Variants in UNC79 observed in about 807,000 individuals in gnomAD.
UNC79 encodes protein unc-79 homolog.
A neutral mutation model predicts 283.1 loss-of-function variants in UNC79; 37 were observed. That is an observed-to-expected ratio of 0.13 (90% CI 0.10 to 0.17). The LOEUF (loss-of-function observed/expected upper bound fraction) is 0.17, where lower values mean the gene tolerates loss of function less well. UNC79 is among the 10% of genes least tolerant of loss of function. The pLI is 1.00. For missense variants in UNC79, 2,272 were observed against 3,211.1 expected (o/e 0.71, Z 7.07); for synonymous variants, 1,107 against 1,200.2 (o/e 0.92, Z 1.61).
chr14:93,482,111 A>G (rs910731312), intron 4 of UNC79, among the ~76,000 whole-genome samples: 1 of 152,226 alleles, frequency 6.6e-6, no homozygotes, highest in African/African-American at 2.4e-5. Context: ...GGCCAAATGC[A>G]TAGTCAAATC....
At position 93,361,042 on chromosome 14, in the gene UNC79, C is replaced by A. The variant is rs147465459; in HGVS notation, c.-351+27519C>A. ...CAGCTTGGTCAACATGGTGAAACCCCGTCTCTACTAAAAATACAAAAATTA... is the reference window on the plus strand; with the variant it reads ...CAGCTTGGTCAACATGGTGAAACCCAGTCTCTACTAAAAATACAAAAATTA... On this transcript the variant is annotated intron_variant, in intron 1 of 49. Coordinates refer to the UNC79 transcript ENST00000256339. Among the ~76,000 whole-genome samples the A allele has an allele frequency of 5.2e-3, 795 of 151,584 alleles. 11 individuals carry two copies. The highest frequency in any genetic ancestry group is 0.051 in the Middle Eastern group (15 of 294).
At chr14:93,477,486 T>C in intron 3 of UNC79, 72 bp from the exon 4 acceptor site, 1 of 1,307,252 alleles carries the variant, frequency 7.6e-7, no homozygotes, top group Non-Finnish European at 1.0e-6. Context: ...CATTAAAGCT[T>C]AAAATGTAAA....
chr14:93,686,106 T>C (rs1012675187), intron 42 of UNC79, among the ~76,000 whole-genome samples: 2 of 152,228 alleles, frequency 1.3e-5, no homozygotes, highest in Non-Finnish European at 2.9e-5. Flanking sequence ...ATGTACTTTT[T>C]TGACAGAAAA....
intron 1 of UNC79, among the ~76,000 whole-genome samples, chr14:93,415,931 C>CT (rs1472893313): frequency 6.6e-6 from 1 of 152,136 alleles, no homozygotes; most frequent in East Asian, 1.9e-4. Flanking sequence ...ATTAGTCTTG[C>CT]TAGCAGTCTA....
chr14:93,641,975 CTT>C (rs2069079781), intron 33 of UNC79, among the ~76,000 whole-genome samples: 1 of 152,178 alleles, frequency 6.6e-6, no homozygotes, highest in East Asian at 1.9e-4. Context: ...TAAGATGTGA[CTT>C]TGCTCCCCCT....
intron 1 of UNC79, among the ~76,000 whole-genome samples, chr14:93,408,245 A>G (rs1308231599): frequency 6.6e-6 from 1 of 152,246 alleles, no homozygotes; most frequent in Non-Finnish European, 1.5e-5. Flanking sequence ...CACGAGTAAT[A>G]TAAGTAGAGA....
chr14:93,577,621 G>T (rs1221426512), intron 17 of UNC79, among the ~76,000 whole-genome samples: 1 of 152,192 alleles, frequency 6.6e-6, no homozygotes, highest in Non-Finnish European at 1.5e-5. Context: ...ATTCTTCAGG[G>T]TGTTGATGTC....
intron 16 of UNC79, among the ~76,000 whole-genome samples, chr14:93,574,510 A>C (rs186102730): frequency 1.1e-3 from 169 of 152,340 alleles, no homozygotes; most frequent in African/African-American, 3.4e-3. Context: ...AGATAATTAA[A>C]CAGAAGAAAA....
chr14:93,609,511 CATAATT>C (rs1244968429), intron 26 of UNC79, among the ~76,000 whole-genome samples: 3 of 152,196 alleles, frequency 2.0e-5, no homozygotes, highest in East Asian at 3.9e-4. Flanking sequence ...GCTCTGCCTC[CATAATT>C]ATAATTATAA....
rs1027524828 is a variant in UNC79 at position 93,663,352 on chromosome 14, A to C, written c.6636+638A>C. Among the ~76,000 whole-genome samples the C allele has an allele frequency of 1.3e-5, 2 of 152,194 alleles. 1 individual carries two copies. Among genetic ancestry groups the C allele is most frequent in the South Asian group, 4.1e-4 (2 of 4,834 alleles). ...GAGCTGGTAGATGCTGTCCTAATGG[A>C]AAATCAGAAGGCAGGGCAAAATGGG... On this transcript the variant is annotated intron_variant, in intron 40 of 48. Coordinates refer to ENST00000555664, the Ensembl canonical transcript of UNC79.
intron 1 of UNC79, among the ~76,000 whole-genome samples, chr14:93,336,838 T>C (rs2139865158): frequency 6.6e-6 from 1 of 152,344 alleles, no homozygotes; most frequent in South Asian, 2.1e-4. Flanking sequence ...GTTTGGATGT[T>C]TGTCCCCTCC....
At position 93,662,654 on chromosome 14, in the gene UNC79, C is replaced by T. The variant is rs770354110; in HGVS notation, c.6576C>T (p.Ala2192=). 2.9e-5 allele frequency: 47 copies of T among 1,611,606 alleles called. No individual in the cohort carries two copies. The South Asian group carries it at 4.0e-4, about 14-fold the overall frequency. Residue 2192 remains alanine (A), a synonymous_variant, in exon 40 of 49, where the codon GCC becomes GCT. Transcript: ENST00000555664. ...TGCTCAGCTTTGTAATTCAGAATGC[C>T]GTCTTCACTCTGGCCTACCTGGTGG... is the stretch of plus-strand genomic sequence containing the variant.
chr14:93,394,416 A>ATTTTAT (rs2054949289), intron 1 of UNC79, among the ~76,000 whole-genome samples: 2 of 127,704 alleles, frequency 1.6e-5, no homozygotes, highest in Non-Finnish European at 1.7e-5. Flanking sequence ...ATTTTATCTT[A>ATTTTAT]TTTATTTTTT....
exon 9 of UNC79, chr14:93,528,587 G>A (rs757821034): frequency 1.5e-5 from 25 of 1,613,756 alleles, no homozygotes; most frequent in East Asian, 8.9e-5. Context: ...TGTCAGTAGC[G>A]TTGGGTGATA....
intron 38 of UNC79, among the ~76,000 whole-genome samples, chr14:93,657,051 G>A (rs771490144): frequency 1.1e-4 from 17 of 152,184 alleles, no homozygotes; most frequent in Non-Finnish European, 2.4e-4. Flanking sequence ...TTAGCTCAGC[G>A]TGTGCTGCTT....
intron 1 of UNC79, among the ~76,000 whole-genome samples, chr14:93,420,871 A>T (rs2055583112): frequency 6.6e-6 from 1 of 151,802 alleles, no homozygotes; most frequent in Admixed American, 6.6e-5. Flanking sequence ...GTCAATAAAG[A>T]TGTTAAGAAG....
At chr14:93,390,042 A>G (rs968842768) in intron 1 of UNC79, among the ~76,000 whole-genome samples, 3 of 152,258 alleles carry the variant, frequency 2.0e-5, no homozygotes, top group Admixed American at 6.5e-5. Context: ...AATCTCTCTC[A>G]TGAACAAAGA....
intron 7 of UNC79, among the ~76,000 whole-genome samples, chr14:93,522,515 C>T (rs2060367736): frequency 6.6e-6 from 1 of 152,062 alleles, no homozygotes; most frequent in Non-Finnish European, 1.5e-5. Flanking sequence ...AATTCATGTA[C>T]TGGTTAAAGG....
At chr14:93,369,500 G>A (rs527724157) in intron 1 of UNC79, among the ~76,000 whole-genome samples, 1 of 152,336 alleles carries the variant, frequency 6.6e-6, no homozygotes, top group Non-Finnish European at 1.5e-5. Flanking sequence ...GGATTAGAGT[G>A]TCATGCTTAC....
Sources: gnomAD v4.1 joint callset for allele counts (sites outside exome capture counted in the v4.1 genomes callset) on GRCh38, gnomAD v4.1.1 for gene constraint, MANE v1.5 for transcripts, NCBI Gene and HGNC (gene_info 2026-07-23, HGNC 2026-07-21) for gene names.